EXOC6: variants seen among roughly 807,000 people sequenced by gnomAD.
EXOC6 encodes SEC15-like 1.
A neutral mutation model predicts 112.5 loss-of-function variants in EXOC6; 60 were observed. The observed-to-expected ratio is 0.53, with a 90% CI of 0.43 to 0.66. EXOC6 has a LOEUF of 0.66. EXOC6 is among the 30% of genes least tolerant of loss of function. The pLI is 0.00. For missense variants in EXOC6, 855 were observed against 957.1 expected (o/e 0.89, Z 1.41); for synonymous variants, 295 against 308.0 (o/e 0.96, Z 0.44).
chr10:92,997,355 A>G (rs1021862727), intron 18 of EXOC6, 119 bp from the exon 19 acceptor site: 3 of 793,344 alleles, frequency 3.8e-6, no homozygotes. Flanking sequence ...GAAAGTAACC[A>G]CTATTGTACC....
At chr10:93,021,555 C>T (rs138923386) in intron 20 of EXOC6, among the ~76,000 whole-genome samples, 3 of 152,330 alleles carry the variant, frequency 2.0e-5, no homozygotes, top group African/African-American at 7.2e-5. Flanking sequence ...TTTCTGTTGA[C>T]AGTAGATCCA....
chr10:93,049,978 G>A (rs1043244893), intron 20 of EXOC6, among the ~76,000 whole-genome samples: 2 of 152,130 alleles, frequency 1.3e-5, no homozygotes, highest in East Asian at 1.9e-4. Context: ...TCTGTGAATA[G>A]AGTCAAAACC....
chr10:92,957,252 A>G (rs1290251641), intron 17 of EXOC6, among the ~76,000 whole-genome samples: 8 of 152,140 alleles, frequency 5.3e-5, no homozygotes. Flanking sequence ...TTAGAGTTGC[A>G]GGCATATTTA....
intron 12 of EXOC6, among the ~76,000 whole-genome samples, chr10:92,938,426 G>A (rs1353593990): frequency 6.6e-6 from 1 of 152,056 alleles, no homozygotes; most frequent in East Asian, 1.9e-4. Flanking sequence ...TGAAGAACTG[G>A]TAAGTGTCTT....
At position 92,910,409 on chromosome 10, in the gene EXOC6, C is replaced by T. The variant is rs577241820; in HGVS notation, c.663+778C>T. 5.3e-5 allele frequency among the ~76,000 whole-genome samples: 8 copies of T among 152,110 alleles called. No homozygotes were observed. In the South Asian group the frequency reaches 8.3e-4, roughly 16 times the overall value. On this transcript the variant is annotated intron_variant, in intron 6 of 21. Coordinates refer to ENST00000260762, the MANE Select transcript of EXOC6 (RefSeq NM_019053.6). ...TGTGTGATTCCATTTTTACGTCATT[C>T]GAAAGCAGGTAGACTAAGATGGAAA...
intron 14 of EXOC6, among the ~76,000 whole-genome samples, chr10:92,948,616 A>ACTACTACTG (rs1853201820): frequency 6.7e-6 from 1 of 150,356 alleles, no homozygotes; most frequent in Non-Finnish European, 1.5e-5. Context: ...TACTACTACT[A>ACTACTACTG]CTACTGAGAT....
intron 1 of EXOC6, among the ~76,000 whole-genome samples, chr10:92,828,690 CTGTGTGTGTG>C (rs71028851): frequency 0.036 from 3,818 of 105,178 alleles, 152 homozygotes; most frequent in East Asian, 0.15. Context: ...TTTTGTGTGT[CTGTGTGTGTG>C]TGTGTGTGTG....
At chr10:92,934,697 A>G (rs1437426612) in intron 11 of EXOC6, among the ~76,000 whole-genome samples, 7 of 152,138 alleles carry the variant, frequency 4.6e-5, no homozygotes, top group African/African-American at 1.7e-4. Context: ...TGACCTCTTC[A>G]TTAGATCTCT....
intron 1 of EXOC6, among the ~76,000 whole-genome samples, chr10:92,889,131 A>G (rs1208863934): frequency 2.0e-5 from 3 of 152,192 alleles, no homozygotes; most frequent in Admixed American, 6.5e-5. Flanking sequence ...ATTTGTATCT[A>G]GTACTCAGTT....
chr10:92,969,756 C>T (rs1006717987), intron 17 of EXOC6, among the ~76,000 whole-genome samples: 21 of 152,084 alleles, frequency 1.4e-4, no homozygotes, highest in Non-Finnish European at 2.2e-4. Flanking sequence ...TGCAGTGGCG[C>T]GATCTCAGCT....
chr10:92,855,269 C>G (rs189392335), intron 1 of EXOC6, among the ~76,000 whole-genome samples: 20 of 152,080 alleles, frequency 1.3e-4, no homozygotes, highest in Admixed American at 1.2e-3. Flanking sequence ...GCTACATTGC[C>G]CAGGCTGGTC....
At chr10:92,863,453 G>T (rs1393031451) in intron 1 of EXOC6, among the ~76,000 whole-genome samples, 1 of 152,134 alleles carries the variant, frequency 6.6e-6, no homozygotes, top group African/African-American at 2.4e-5. Flanking sequence ...GGGTTCCTCT[G>T]GGAAACCTTA....
chr10:92,981,865 C>G (rs548004888), intron 18 of EXOC6, among the ~76,000 whole-genome samples: 23 of 152,234 alleles, frequency 1.5e-4, no homozygotes, highest in Non-Finnish European at 2.9e-5. Context: ...CGCCTGTAAT[C>G]CCAGCACTTT....
At chr10:92,957,365 A>G (rs1280613420) in intron 17 of EXOC6, among the ~76,000 whole-genome samples, 2 of 152,144 alleles carry the variant, frequency 1.3e-5, no homozygotes, top group African/African-American at 2.4e-5. Flanking sequence ...AATTATTCTT[A>G]TCGGTCATAA....
At chr10:92,942,464 T>C (rs1234754012) in intron 13 of EXOC6, among the ~76,000 whole-genome samples, 1 of 152,086 alleles carries the variant, frequency 6.6e-6, no homozygotes, top group African/African-American at 2.4e-5. Context: ...ACTAAACAAA[T>C]CCTTATTTGA....
chr10:93,054,320 T>C (rs1846449376), intron 20 of EXOC6, among the ~76,000 whole-genome samples: 1 of 152,244 alleles, frequency 6.6e-6, no homozygotes, highest in Non-Finnish European at 1.5e-5. Flanking sequence ...ATGAATCTTA[T>C]GTAGATCATT....
At chr10:92,920,321 A>G (rs1851356322) in intron 8 of EXOC6, among the ~76,000 whole-genome samples, 1 of 152,158 alleles carries the variant, frequency 6.6e-6, no homozygotes, top group East Asian at 1.9e-4. Flanking sequence ...CACAGTTCTT[A>G]TAAGTTACTT....
At chr10:92,897,882 C>T (rs892584282) in intron 4 of EXOC6, among the ~76,000 whole-genome samples, 4 of 152,148 alleles carry the variant, frequency 2.6e-5, no homozygotes, top group Non-Finnish European at 4.4e-5. Context: ...ATTGATGTCT[C>T]ATGTCTCTCT....
intron 1 of EXOC6, among the ~76,000 whole-genome samples, chr10:92,860,466 G>A (rs543502727): frequency 4.8e-4 from 73 of 152,060 alleles, no homozygotes; most frequent in African/African-American, 1.7e-3. Context: ...GTTTCACCAT[G>A]TTGCCAGACT....
Sources: allele counts gnomAD v4.1 joint callset (sites outside exome capture counted in the v4.1 genomes callset), GRCh38; gene constraint gnomAD v4.1.1; transcripts MANE v1.5; gene names NCBI Gene and HGNC (gene_info 2026-07-23, HGNC 2026-07-21).